Variants in CDH26 observed in about 807,000 individuals in gnomAD.
CDH26 encodes the protein cadherin-like protein 26.
A neutral mutation model predicts 90.3 loss-of-function variants in CDH26; 83 were observed. The ratio of observed to expected loss-of-function variants is 0.92; its 90% CI spans 0.77 to 1.10. CDH26 has a LOEUF of 1.10. Ranked by LOEUF, CDH26 falls within the 50% of genes least tolerant of loss-of-function variation. CDH26 has a pLI of 0.00. For missense variants in CDH26, 1,013 were observed against 1,037.6 expected (o/e 0.98, Z 0.33); for synonymous variants, 397 against 396.3 (o/e 1.00, Z -0.02).
Position 59,994,276 on chromosome 20 carries a change from AC to A in CDH26, c.1456del (p.Leu486Ter). The A allele has an allele frequency of 6.2e-7, 1 of 1,612,818 alleles. No individual in the cohort carries two copies. The highest frequency in any genetic ancestry group is 1.6e-4 in the Middle Eastern group (1 of 6,062). On this transcript the variant is annotated frameshift_variant, in exon 11 of 18. Coordinates refer to ENST00000348616, the MANE Select transcript of CDH26 (RefSeq NM_177980.4). LOFTEE classifies it high-confidence loss of function. Reference protein sequence around the residue: ...DGFPPQTATGTLMLFLSDIND... With the variant: ...DGFPPQTATGXLMLFLSDIND... ...CTTCCCACCGCAGACTGCTACAGGG[AC>A]CCTAATGCTCTTCCTGTCTGACATC... is the stretch of plus-strand genomic sequence containing the variant.
At chr20:60,004,919 TATAG>T (rs2061726918) in intron 16 of CDH26, among the ~76,000 whole-genome samples, 1 of 151,994 alleles carries the variant, frequency 6.6e-6, no homozygotes, top group Admixed American at 6.6e-5. Context: ...TGCATGTGTA[TATAG>T]ATAGATATGT....
intron 7 of CDH26, chr20:59,986,298 C>G (rs1422644429): frequency 6.6e-6 from 1 of 152,224 alleles, no homozygotes; most frequent in Admixed American, 6.5e-5. Context: ...GGCTGCAAGA[C>G]TCCCAGCCTT....
chr20:59,959,927 G>A (rs1204683362), intron 1 of CDH26, among the ~76,000 whole-genome samples: 10 of 152,198 alleles, frequency 6.6e-5, no homozygotes, highest in Non-Finnish European at 1.2e-4. Flanking sequence ...GCATGCGCTT[G>A]TTGGTTATGA....
At chr20:59,970,989 TC>T (rs910346405) in intron 3 of CDH26, among the ~76,000 whole-genome samples, 21 of 152,028 alleles carry the variant, frequency 1.4e-4, no homozygotes, top group African/African-American at 3.4e-4. Context: ...TTTCCACCCC[TC>T]CCTATTGCCT....
intron 1 of CDH26, among the ~76,000 whole-genome samples, chr20:59,967,195 G>T (rs1300792071): frequency 6.6e-6 from 1 of 152,080 alleles, no homozygotes; most frequent in Non-Finnish European, 1.5e-5. Flanking sequence ...GTGAGATGAG[G>T]GAGGGGTACA....
At chr20:59,978,463 C>T in intron 4 of CDH26, among the ~76,000 whole-genome samples, 1 of 151,592 alleles carries the variant, frequency 6.6e-6, no homozygotes, top group Non-Finnish European at 1.5e-5. Flanking sequence ...GCAACCTCTG[C>T]CTCCTGGGTT....
chr20:59,997,569 C>T (rs190899363), intron 13 of CDH26, among the ~76,000 whole-genome samples: 285 of 152,384 alleles, frequency 1.9e-3, no homozygotes, highest in Non-Finnish European at 3.3e-3. Context: ...TCTTAGTCAT[C>T]CTTGCAGCAA....
intron 7 of CDH26, among the ~76,000 whole-genome samples, chr20:60,023,246 G>A (rs532969638): frequency 6.6e-6 from 1 of 152,376 alleles, no homozygotes; most frequent in South Asian, 2.1e-4. Flanking sequence ...TAGACTCAAA[G>A]TGAGGAAGAA....
downstream of CDH26, among the ~76,000 whole-genome samples, chr20:60,016,008 G>C (rs189646717): frequency 8.0e-4 from 122 of 152,240 alleles, no homozygotes; most frequent in Non-Finnish European, 1.6e-3. Context: ...GTACCATGCT[G>C]TTTCAGTTAT....
rs544551887 is a variant in CDH26, at chr20:60,006,823, T to C, written c.2295+36T>C. ...CTCCCCTTGTGCTGTGCACTAGCTATGGGTTTTGCATCCCCACTGTGCTCC... is the reference window on the plus strand; with the variant it reads ...CTCCCCTTGTGCTGTGCACTAGCTACGGGTTTTGCATCCCCACTGTGCTCC... On this transcript the variant is annotated intron_variant, in intron 17 of 17. Coordinates refer to ENST00000348616, the MANE Select transcript of CDH26 (RefSeq NM_177980.4). 1.2e-5 allele frequency: 19 copies of C among 1,520,550 alleles called. No homozygotes were observed. In the South Asian group the frequency reaches 1.6e-4, roughly 13 times the overall value. The allele number at this position is 1,520,550 out of a possible 1,614,324, so 94.2% of individuals were successfully genotyped here.
chr20:59,967,742 C>CT, intron 1 of CDH26, among the ~76,000 whole-genome samples: 4 of 149,528 alleles, frequency 2.7e-5, no homozygotes, highest in African/African-American at 9.9e-5. Context: ...TCTTTCCTTC[C>CT]TCCCTTCCCT....
intron 16 of CDH26, among the ~76,000 whole-genome samples, chr20:60,005,233 T>C (rs2061730748): frequency 6.6e-6 from 1 of 152,196 alleles, no homozygotes; most frequent in South Asian, 2.1e-4. Flanking sequence ...CTGTTTATAT[T>C]ATTGGAAAAG....
chr20:59,992,655 G>A lies in CDH26; in HGVS notation c.1426+135G>A. On this transcript the variant is annotated intron_variant, in intron 10 of 17. Transcript: ENST00000348616. This position sits in a 1 kb window ranked among gnomAD's most constrained non-coding sequence, Gnocchi z 5.0. ...CTTGTTATCACTCTGCATCCATGCTGGTGATTATTTTTGGTAATAATTCTT... is the reference window on the plus strand; with the variant it reads ...CTTGTTATCACTCTGCATCCATGCTAGTGATTATTTTTGGTAATAATTCTT... The A allele has an allele frequency of 1.2e-6, 1 of 858,036 alleles. No homozygotes were observed. Among genetic ancestry groups the A allele is most frequent in the Non-Finnish European group, 1.8e-6 (1 of 559,622 alleles). The allele number at this position is 858,036 out of a possible 1,614,324, so 53.2% of individuals were successfully genotyped here.
At chr20:60,024,792 C>G (rs1356459737) in intron 7 of CDH26, among the ~76,000 whole-genome samples, 1 of 152,194 alleles carries the variant, frequency 6.6e-6, no homozygotes, top group Non-Finnish European at 1.5e-5. Context: ...AAATAAAACC[C>G]TGAATTTAGC....
downstream of CDH26, among the ~76,000 whole-genome samples, chr20:60,015,001 G>C (rs566414178): frequency 6.6e-6 from 1 of 152,208 alleles, no homozygotes; most frequent in East Asian, 1.9e-4. Flanking sequence ...AATTTTGTTT[G>C]AGACAAAGTC....
At chr20:59,990,492 G>A (rs2061514968) in intron 9 of CDH26, among the ~76,000 whole-genome samples, 1 of 152,162 alleles carries the variant, frequency 6.6e-6, no homozygotes, top group Non-Finnish European at 1.5e-5. Context: ...TTCAGTGTGA[G>A]ATTCCTCTCC....
rs138324710 is a variant in CDH26, at chr20:59,982,945, G to A, written c.416G>A (p.Arg139His). Reference sequence around the variant, plus strand: ...TAGGTTTATTTTGATGTTGTGGAGCGCTCAACAGGAAAAATTGTGGATACA... The same window carrying A: ...TAGGTTTATTTTGATGTTGTGGAGCACTCAACAGGAAAAATTGTGGATACA... ...SFTVYFDVVE[R>H]STGKIVDTSL... Residue 139 changes from arginine (R) to histidine (H), a missense_variant, in exon 5 of 18, where the codon CGC becomes CAC. Transcript: ENST00000348616. 1.4e-3 allele frequency: 2,283 copies of A among 1,613,762 alleles called. 45 individuals are homozygous for A. The Admixed American group carries it at 0.031, about 22-fold the overall frequency.
intron 9 of CDH26, among the ~76,000 whole-genome samples, chr20:59,991,699 G>A (rs749389478): frequency 1.3e-5 from 2 of 152,172 alleles, no homozygotes; most frequent in Non-Finnish European, 2.9e-5. Flanking sequence ...GCCCCTCTCC[G>A]CACCTTTCTG....
chr20:59,976,740 C>A (rs1173353724), intron 4 of CDH26, among the ~76,000 whole-genome samples: 3 of 152,112 alleles, frequency 2.0e-5, no homozygotes, highest in Non-Finnish European at 4.4e-5. Flanking sequence ...GGAGCACTGA[C>A]CTGCGCTAGA....
Sources: gnomAD v4.1 joint callset for allele counts (sites outside exome capture counted in the v4.1 genomes callset) on GRCh38, gnomAD v4.1.1 for gene constraint, Gnocchi (gnomAD v3.1) non-coding constraint, MANE v1.5 for transcripts, NCBI Gene and HGNC (gene_info 2026-07-23, HGNC 2026-07-21) for gene names.